The following RGL1 variants were observed in gnomAD, a reference collection of about 807,000 sequenced individuals.
RGL1 encodes the protein ral guanine nucleotide dissociation stimulator-like 1.
A neutral mutation model predicts 95.2 loss-of-function variants in RGL1; 24 were observed. That is an observed-to-expected ratio of 0.25 (90% CI 0.18 to 0.35). The LOEUF (loss-of-function observed/expected upper bound fraction) is 0.35, where lower values mean the gene tolerates loss of function less well. Among genes scored for constraint, RGL1 ranks in the 10% least tolerant of loss-of-function variants. The pLI, the probability that RGL1 is intolerant of heterozygous loss-of-function variation, is 1.00. For missense variants in RGL1, 715 were observed against 936.3 expected (o/e 0.76, Z 3.08); for synonymous variants, 329 against 344.9 (o/e 0.95, Z 0.51).
chr1:183,703,371 T>A (rs557385714), intron 1 of RGL1, among the ~76,000 whole-genome samples: 1 of 152,268 alleles, frequency 6.6e-6, no homozygotes, highest in South Asian at 2.1e-4. Context: ...AACTATGGTT[T>A]CAACAAGACT....
intron 1 of RGL1, among the ~76,000 whole-genome samples, chr1:183,653,881 C>G (rs2102006165): frequency 6.6e-6 from 1 of 152,264 alleles, no homozygotes; most frequent in Admixed American, 6.5e-5. Context: ...TTTCCTTAGT[C>G]TCCCTTGACC....
At chr1:183,824,637 A>G (rs928254119) in intron 2 of RGL1, among the ~76,000 whole-genome samples, 15 of 152,308 alleles carry the variant, frequency 9.8e-5, no homozygotes, top group Admixed American at 9.2e-4. Flanking sequence ...TCATTATACT[A>G]TTCACTTTCA....
At chr1:183,645,242 T>C (rs1443075065) in intron 1 of RGL1, among the ~76,000 whole-genome samples, 1 of 152,190 alleles carries the variant, frequency 6.6e-6, no homozygotes, top group Non-Finnish European at 1.5e-5. Context: ...ATCAGTACAT[T>C]AGTTTTTTGT....
chr1:183,758,534 G>A (rs1197624334), intron 2 of RGL1, among the ~76,000 whole-genome samples: 2 of 152,092 alleles, frequency 1.3e-5, no homozygotes, highest in South Asian at 2.1e-4. Context: ...CTGGAGGCTG[G>A]GAGTCTGACA....
At chr1:183,687,927 TG>T (rs1344635074) in intron 1 of RGL1, among the ~76,000 whole-genome samples, 3 of 152,158 alleles carry the variant, frequency 2.0e-5, no homozygotes, top group Admixed American at 6.5e-5. Context: ...GTAGAGAGAT[TG>T]ATTGGTCATT....
chr1:183,835,429 G>A (rs892112658), intron 2 of RGL1, among the ~76,000 whole-genome samples: 2 of 152,112 alleles, frequency 1.3e-5, no homozygotes. Flanking sequence ...AGCAGAACAC[G>A]AGTGCTTTCC....
chr1:183,846,073 A>G lies in RGL1; in HGVS notation c.139-1493A>G, dbSNP rs567321475. On this transcript the variant is annotated intron_variant, in intron 2 of 17. Transcript: ENST00000360851. The stretch of plus-strand genomic sequence containing the variant: ...TACCCAAAGGATTATAAATCATTCT[A>G]CTATAAAGACACATGCACACGTGTG... Among the ~76,000 whole-genome samples, 15 of 152,344 alleles carry G rather than the reference A, an allele frequency of 9.8e-5. No individual in the cohort carries two copies. The South Asian group carries it at 1.2e-3, about 13-fold the overall frequency.
chr1:183,718,142 A>T (rs1177052622), intron 1 of RGL1, among the ~76,000 whole-genome samples: 1 of 151,364 alleles, frequency 6.6e-6, no homozygotes, highest in East Asian at 1.9e-4. Flanking sequence ...GCTACTTGGG[A>T]GGCTGAGGCA....
At chr1:183,836,304 G>A (rs1663645608) in intron 2 of RGL1, among the ~76,000 whole-genome samples, 1 of 151,950 alleles carries the variant, frequency 6.6e-6, no homozygotes, top group Non-Finnish European at 1.5e-5. Flanking sequence ...AGGTTGGAGT[G>A]CAATGGCGCG....
At chr1:183,792,402 C>A (rs868469367) in intron 2 of RGL1, among the ~76,000 whole-genome samples, 15 of 152,068 alleles carry the variant, frequency 9.9e-5, no homozygotes, top group Middle Eastern at 3.4e-3. Flanking sequence ...GTATGAGAAT[C>A]GTCTTGTTCA....
intron 9 of RGL1, among the ~76,000 whole-genome samples, chr1:183,894,166 G>A (rs374285969): frequency 1.3e-5 from 2 of 152,288 alleles, no homozygotes; most frequent in South Asian, 2.1e-4. Flanking sequence ...TCAGCAGTAC[G>A]AAGCTAGACT....
chr1:183,847,301 A>G (rs1301712430), intron 2 of RGL1, among the ~76,000 whole-genome samples: 1 of 152,112 alleles, frequency 6.6e-6, no homozygotes, highest in Non-Finnish European at 1.5e-5. Flanking sequence ...ACAAAAATAC[A>G]AAAATGAGCA....
chr1:183,740,893 G>A (rs1301714910), intron 1 of RGL1, among the ~76,000 whole-genome samples: 2 of 152,156 alleles, frequency 1.3e-5, no homozygotes, highest in Non-Finnish European at 2.9e-5. Flanking sequence ...CTAGTCTCAA[G>A]ATGCTTATAA....
intron 1 of RGL1, among the ~76,000 whole-genome samples, chr1:183,705,054 C>T (rs886457441): frequency 5.9e-5 from 9 of 152,014 alleles, no homozygotes; most frequent in East Asian, 5.8e-4. Context: ...GGGGCTGAGG[C>T]GAGAGCCTTC....
intron 2 of RGL1, among the ~76,000 whole-genome samples, chr1:183,789,273 G>T (rs1660330131): frequency 6.6e-6 from 1 of 151,748 alleles, no homozygotes; most frequent in East Asian, 1.9e-4. Flanking sequence ...GTGAAATCCT[G>T]TCTCTACTAA....
intron 2 of RGL1, among the ~76,000 whole-genome samples, chr1:183,833,809 G>T (rs1663432795): frequency 6.6e-6 from 1 of 152,158 alleles, no homozygotes; most frequent in African/African-American, 2.4e-5. Flanking sequence ...TCACAGAGAA[G>T]CTATGGCTGA....
At chr1:183,903,299 T>C (rs1409837201) in intron 12 of RGL1, among the ~76,000 whole-genome samples, 1 of 152,130 alleles carries the variant, frequency 6.6e-6, no homozygotes, top group Admixed American at 6.5e-5. Flanking sequence ...TAGTTATTCT[T>C]TCCCTTTCGT....
intron 1 of RGL1, among the ~76,000 whole-genome samples, chr1:183,694,920 C>T (rs1052237992): frequency 1.3e-5 from 2 of 152,242 alleles, no homozygotes; most frequent in South Asian, 4.1e-4. Flanking sequence ...TGCAGTCTGG[C>T]TGAAAATGTA....
intron 2 of RGL1, among the ~76,000 whole-genome samples, chr1:183,776,649 G>A (rs1659620574): frequency 6.6e-6 from 1 of 152,238 alleles, no homozygotes; most frequent in African/African-American, 2.4e-5. Flanking sequence ...AGTGTCCCAT[G>A]GACAAGAAAA....
Sources: allele counts gnomAD v4.1 joint callset (sites outside exome capture counted in the v4.1 genomes callset), GRCh38; gene constraint gnomAD v4.1.1; transcripts MANE v1.5; gene names NCBI Gene and HGNC (gene_info 2026-07-23, HGNC 2026-07-21).